DAB1: variants seen among roughly 807,000 people sequenced by gnomAD.
The protein encoded by DAB1 is DAB adaptor protein 1.
A neutral mutation model predicts 64.6 loss-of-function variants in DAB1; 15 were observed. The ratio of observed to expected loss-of-function variants is 0.23; its 90% CI spans 0.16 to 0.36. The LOEUF is 0.36. Among genes scored for constraint, DAB1 ranks in the 10% least tolerant of loss-of-function variants. DAB1 has a pLI of 1.00. For missense variants in DAB1, 596 were observed against 706.7 expected (o/e 0.84, Z 1.78); for synonymous variants, 235 against 251.9 (o/e 0.93, Z 0.64).
chr1:58,406,020 C>T (rs1409184712), intron 3 of DAB1, among the ~76,000 whole-genome samples: 2 of 152,232 alleles, frequency 1.3e-5, no homozygotes, highest in African/African-American at 4.8e-5. Flanking sequence ...GCGTGTTTGA[C>T]ATACACAATC....
At chr1:57,507,938 T>C (rs1225701134) in intron 7 of DAB1, among the ~76,000 whole-genome samples, 2 of 152,184 alleles carry the variant, frequency 1.3e-5, no homozygotes, top group African/African-American at 4.8e-5. Flanking sequence ...AGCGTTAGAA[T>C]CATCTGAAGA....
intron 5 of DAB1, among the ~76,000 whole-genome samples, chr1:58,001,328 A>G (rs1358261719): frequency 6.6e-6 from 1 of 151,952 alleles, no homozygotes; most frequent in Admixed American, 6.6e-5. Context: ...CAGTGGTTCA[A>G]TCTCAGCTCA....
chr1:57,879,467 T>C (rs181445599), intron 1 of DAB1, among the ~76,000 whole-genome samples: 4 of 152,296 alleles, frequency 2.6e-5, no homozygotes, highest in African/African-American at 9.6e-5. Flanking sequence ...CGACTAGCAC[T>C]ACTCATCCTA....
chr1:57,429,468 T>G (rs1685418117), intron 7 of DAB1, among the ~76,000 whole-genome samples: 1 of 152,206 alleles, frequency 6.6e-6, no homozygotes, highest in Non-Finnish European at 1.5e-5. Flanking sequence ...ATGGTTTCCT[T>G]TGCTATGAAA....
intron 1 of DAB1, chr1:57,873,938 T>C (rs1259952485): frequency 6.6e-6 from 1 of 152,178 alleles, no homozygotes; most frequent in Non-Finnish European, 1.5e-5. Context: ...CATAAATCAG[T>C]TCTTTCTTCA....
chr1:57,052,388 T>C (rs535031837), intron 9 of DAB1, among the ~76,000 whole-genome samples: 1 of 152,304 alleles, frequency 6.6e-6, no homozygotes, highest in South Asian at 2.1e-4. Flanking sequence ...GATAGTTCTG[T>C]AGCCCTGATT....
At chr1:57,529,791 T>C (rs907774213) in intron 7 of DAB1, among the ~76,000 whole-genome samples, 5 of 152,192 alleles carry the variant, frequency 3.3e-5, no homozygotes. Flanking sequence ...AAGCTTCATT[T>C]GTAATTGTAA....
At chr1:57,342,519 C>T (rs745809261) in intron 1 of DAB1, among the ~76,000 whole-genome samples, 1 of 152,154 alleles carries the variant, frequency 6.6e-6, no homozygotes, top group Non-Finnish European at 1.5e-5. Context: ...CAACAACTCC[C>T]TATCTAAGAC....
At chr1:58,114,486 T>A (rs1234020255) in intron 5 of DAB1, among the ~76,000 whole-genome samples, 1 of 152,188 alleles carries the variant, frequency 6.6e-6, no homozygotes, top group Non-Finnish European at 1.5e-5. Context: ...TGCCAGGACA[T>A]CCCTAACATG....
intron 5 of DAB1, among the ~76,000 whole-genome samples, chr1:57,958,344 G>GCATT (rs894153057): frequency 6.6e-6 from 1 of 152,128 alleles, no homozygotes; most frequent in Non-Finnish European, 1.5e-5. Flanking sequence ...AGAAAGATCT[G>GCATT]CATTCATTCA....
rs1570535755 is a variant in DAB1, at chr1:57,027,208, TG to T, written c.724-1166del. ...TGGAAAAGGTCCCACACTCCATGCC[TG>T]GGGGTGTGGAGTACTGGTAAGATAA... On this transcript the variant is annotated intron_variant, in intron 9 of 14. Transcript: ENST00000371236. 3.9e-5 allele frequency among the ~76,000 whole-genome samples: 6 copies of T among 152,200 alleles called. No homozygotes were observed. The East Asian group carries it at 1.2e-3, about 29-fold the overall frequency.
chr1:58,373,737 C>A (rs1020970110), intron 3 of DAB1, among the ~76,000 whole-genome samples: 8 of 151,910 alleles, frequency 5.3e-5, no homozygotes, highest in African/African-American at 4.8e-5. Flanking sequence ...AGTTCTAGAT[C>A]CCTAAGGAAT....
intron 6 of DAB1, among the ~76,000 whole-genome samples, chr1:57,713,312 C>A (rs1647047891): frequency 1.3e-5 from 2 of 152,106 alleles, no homozygotes; most frequent in African/African-American, 4.8e-5. Context: ...GTCAGTCTTG[C>A]AACAATACCT....
chr1:57,125,471 T>C (rs909731610), intron 4 of DAB1, among the ~76,000 whole-genome samples: 17 of 152,164 alleles, frequency 1.1e-4, no homozygotes, highest in African/African-American at 4.1e-4. Flanking sequence ...TTATATCTTA[T>C]ACATAGTAGG....
intron 1 of DAB1, among the ~76,000 whole-genome samples, chr1:57,355,036 G>A (rs1356883925): frequency 6.6e-6 from 1 of 151,998 alleles, no homozygotes; most frequent in Non-Finnish European, 1.5e-5. Context: ...AGAAACTTTA[G>A]AAGATCTCCT....
At chr1:57,601,911 G>C (rs1645579947) in intron 7 of DAB1, among the ~76,000 whole-genome samples, 1 of 152,158 alleles carries the variant, frequency 6.6e-6, no homozygotes, top group Non-Finnish European at 1.5e-5. Context: ...CATCTTTCAT[G>C]ATGAGGATTG....
At chr1:58,030,031 C>G (rs1646948534) in intron 5 of DAB1, among the ~76,000 whole-genome samples, 1 of 151,948 alleles carries the variant, frequency 6.6e-6, no homozygotes, top group African/African-American at 2.4e-5. Context: ...CAAGGTGAAA[C>G]CCCGTCTCTA....
At chr1:57,316,631 A>G (rs1468828607) in intron 1 of DAB1, among the ~76,000 whole-genome samples, 2 of 152,184 alleles carry the variant, frequency 1.3e-5, no homozygotes, top group Non-Finnish European at 2.9e-5. Context: ...AAAGAAAAAA[A>G]AGAAAAAAAT....
intron 2 of DAB1, among the ~76,000 whole-genome samples, chr1:57,239,730 C>A (rs1292422109): frequency 2.6e-5 from 4 of 152,156 alleles, no homozygotes; most frequent in African/African-American, 9.6e-5. Flanking sequence ...TGAAAGAACC[C>A]AGGTCAATTA....
Sources: gnomAD v4.1 joint callset for allele counts (sites outside exome capture counted in the v4.1 genomes callset) on GRCh38, gnomAD v4.1.1 for gene constraint, MANE v1.5 for transcripts, NCBI Gene and HGNC (gene_info 2026-07-23, HGNC 2026-07-21) for gene names.